Variants in ROBO1 observed in about 807,000 individuals in gnomAD.
ROBO1 encodes roundabout guidance receptor 1.
Under a neutral mutation model 195.9 loss-of-function variants are expected in ROBO1, and 149 were observed. The observed-to-expected ratio is 0.76, with a 90% confidence interval of 0.67 to 0.87. The LOEUF is 0.87. Among genes scored for constraint, ROBO1 ranks in the 40% least tolerant of loss-of-function variants. The pLI, the probability that ROBO1 is intolerant of heterozygous loss-of-function variation, is 0.00. For synonymous variants in ROBO1, 816 were observed against 733.2 expected, an observed-to-expected ratio of 1.11 and a Z score of -1.82; for missense variants, 1,933 against 2,068.3, an observed-to-expected ratio of 0.93 and a Z score of 1.27.
intron 3 of ROBO1, among the ~76,000 whole-genome samples, chr3:79,046,354 C>A (rs2078591963): frequency 6.6e-6 from 1 of 152,066 alleles, no homozygotes; most frequent in African/African-American, 2.4e-5. Flanking sequence ...CAGCCCCAGC[C>A]AACATCTTGA....
intron 9 of ROBO1, 85 bp from the exon 10 acceptor site, chr3:78,686,002 T>A: frequency 4.5e-6 from 5 of 1,116,916 alleles, no homozygotes; most frequent in Non-Finnish European, 6.3e-6. Context: ...CATTTACATG[T>A]AAAAACATAC....
intron 3 of ROBO1, among the ~76,000 whole-genome samples, chr3:79,064,518 A>AT (rs2078974061): frequency 6.6e-6 from 1 of 151,864 alleles, no homozygotes; most frequent in South Asian, 2.1e-4. Context: ...AGAAAAATCT[A>AT]TTTTTTAATT....
chr3:78,663,195 T>G (rs1707532175), intron 14 of ROBO1, among the ~76,000 whole-genome samples: 1 of 151,826 alleles, frequency 6.6e-6, no homozygotes, highest in Non-Finnish European at 1.5e-5. Flanking sequence ...ATGAGATCGC[T>G]AAGTATCTCG....
At chr3:78,963,660 AGGCGCC>A (rs1317352549) in intron 3 of ROBO1, among the ~76,000 whole-genome samples, 1 of 151,000 alleles carries the variant, frequency 6.6e-6, no homozygotes, top group African/African-American at 2.4e-5. Context: ...CTGGGACTTC[AGGCGCC>A]GCCACCACGC....
chr3:79,689,401 T>C (rs1043380004), intron 1 of ROBO1, among the ~76,000 whole-genome samples: 1 of 152,024 alleles, frequency 6.6e-6, no homozygotes, highest in Non-Finnish European at 1.5e-5. Flanking sequence ...TTTATAATAT[T>C]GGGTATATCT....
At chr3:79,237,582 T>A (rs1036649545) in intron 2 of ROBO1, among the ~76,000 whole-genome samples, 1 of 152,154 alleles carries the variant, frequency 6.6e-6, no homozygotes, top group Non-Finnish European at 1.5e-5. Flanking sequence ...GAGATTGTTA[T>A]GCATGATGAG....
chr3:78,633,243 G>C (rs1705287833), intron 24 of ROBO1, among the ~76,000 whole-genome samples: 1 of 152,172 alleles, frequency 6.6e-6, no homozygotes. Flanking sequence ...TGTGCCACAT[G>C]TTAGTTCTAA....
At chr3:78,830,762 T>A (rs2032102010) in intron 4 of ROBO1, among the ~76,000 whole-genome samples, 1 of 152,262 alleles carries the variant, frequency 6.6e-6, no homozygotes. Flanking sequence ...GAAATTCTCA[T>A]GAATTTCTAG....
chr3:79,644,907 G>T (rs1945773327), intron 1 of ROBO1, among the ~76,000 whole-genome samples: 1 of 151,940 alleles, frequency 6.6e-6, no homozygotes, highest in Non-Finnish European at 1.5e-5. Flanking sequence ...ACAACAAGAG[G>T]ATTATAAGAA....
intron 3 of ROBO1, among the ~76,000 whole-genome samples, chr3:78,954,945 A>C: frequency 1.1e-5 from 1 of 93,084 alleles, no homozygotes; most frequent in South Asian, 5.6e-4. Context: ...TTTCGTGTTT[A>C]AAAACTTTTT....
intron 2 of ROBO1, among the ~76,000 whole-genome samples, chr3:79,244,820 GA>G (rs775565512): frequency 3.9e-5 from 6 of 152,128 alleles, no homozygotes; most frequent in Non-Finnish European, 8.8e-5. Context: ...AAGTGTTCAA[GA>G]TAATGCATTA....
At chr3:79,531,886 C>T (rs1323146428) in intron 2 of ROBO1, among the ~76,000 whole-genome samples, 1 of 152,078 alleles carries the variant, frequency 6.6e-6, no homozygotes, top group Non-Finnish European at 1.5e-5. Flanking sequence ...AAAATTATTA[C>T]CAGGAAAGAC....
At chr3:78,951,693 G>A (rs753009914) in intron 3 of ROBO1, among the ~76,000 whole-genome samples, 11 of 152,014 alleles carry the variant, frequency 7.2e-5, no homozygotes, top group Non-Finnish European at 1.3e-4. Flanking sequence ...TTCAACAACT[G>A]CCCAGTTGGA....
chr3:79,237,460 G>C (rs533727710), intron 2 of ROBO1, among the ~76,000 whole-genome samples: 19 of 145,586 alleles, frequency 1.3e-4, no homozygotes, highest in Non-Finnish European at 2.4e-4. Context: ...CAGCCTGGGC[G>C]ACAGAGCAAG....
chr3:79,678,607 T>C (rs527996430), intron 1 of ROBO1, among the ~76,000 whole-genome samples: 2 of 152,094 alleles, frequency 1.3e-5, no homozygotes, highest in Non-Finnish European at 2.9e-5. Context: ...AATTTTAGAA[T>C]TCATTAGGAA....
intron 2 of ROBO1, among the ~76,000 whole-genome samples, chr3:79,346,972 T>A (rs1425772226): frequency 6.6e-6 from 1 of 152,046 alleles, no homozygotes; most frequent in Admixed American, 6.6e-5. Context: ...AAATATTCAA[T>A]TTAATGATAA....
intron 4 of ROBO1, among the ~76,000 whole-genome samples, chr3:78,788,278 G>GATAATTT (rs2108512720): frequency 7.2e-6 from 1 of 138,888 alleles, no homozygotes; most frequent in African/African-American, 2.6e-5. Context: ...ACCACGCCCA[G>GATAATTT]ATAATTTTTT....
intron 2 of ROBO1, among the ~76,000 whole-genome samples, chr3:79,418,032 G>A (rs1006156595): frequency 1.3e-5 from 2 of 152,056 alleles, no homozygotes; most frequent in African/African-American, 4.8e-5. Flanking sequence ...CACAGCACTG[G>A]ACACATTGTA....
rs530877594 is a variant in ROBO1 at position 79,062,192 on chromosome 3, T to C, written c.172+63264A>G. Among the ~76,000 whole-genome samples, 9 of 152,150 alleles carry C rather than the reference T, an allele frequency of 5.9e-5. No individual in the cohort carries two copies. In the South Asian group the frequency reaches 1.9e-3, roughly 32 times the overall value. ...CCCATCAAAAAGTGGGCAAATGATATGAACACACACTTCTTAAAAGAAGAC... is the reference window on the plus strand; with the variant it reads ...CCCATCAAAAAGTGGGCAAATGATACGAACACACACTTCTTAAAAGAAGAC... On this transcript the variant is annotated intron_variant, in intron 3 of 30. Transcript: ENST00000464233.
Sources: allele counts gnomAD v4.1 joint callset (sites outside exome capture counted in the v4.1 genomes callset), GRCh38; gene constraint gnomAD v4.1.1; transcripts MANE v1.5; gene names NCBI Gene and HGNC (gene_info 2026-07-23, HGNC 2026-07-21).